Variants in DIAPH2 observed in about 807,000 individuals in gnomAD.
DIAPH2 encodes protein diaphanous homolog 2.
A neutral mutation model predicts 92.7 loss-of-function variants in DIAPH2; 35 were observed. That is an observed-to-expected ratio of 0.38 (90% CI 0.29 to 0.50). The LOEUF (loss-of-function observed/expected upper bound fraction) is 0.50. Among genes scored for constraint, DIAPH2 ranks in the 20% least tolerant of loss-of-function variants. The pLI is 0.94. For missense variants in DIAPH2, 701 were observed against 819.5 expected (o/e 0.86, Z 1.77); for synonymous variants, 301 against 280.4 (o/e 1.07, Z -0.73).
intron 1 of DIAPH2, among the ~76,000 whole-genome samples, chrX:96,722,669 T>C (rs1184928884): frequency 8.9e-6 from 1 of 111,948 alleles, no homozygotes; most frequent in Non-Finnish European, 1.9e-5. Context: ...TTATGTAATA[T>C]ATACAAAACT....
At chrX:97,587,922 CAT>C (rs2071489549) in intron 26 of DIAPH2, among the ~76,000 whole-genome samples, 1 of 112,019 alleles carries the variant, frequency 8.9e-6, no homozygotes, top group South Asian at 3.8e-4. Context: ...ATGAGAAAAA[CAT>C]AGCTCTTAAG....
chrX:96,777,886 TTTA>T (rs1376374961), intron 4 of DIAPH2, among the ~76,000 whole-genome samples: 4 of 110,770 alleles, frequency 3.6e-5, no homozygotes, highest in Non-Finnish European at 3.8e-5. Context: ...TTTTTTAAAT[TTTA>T]TTATTATTAT....
At chrX:97,412,757 C>T (rs1471471356) in intron 25 of DIAPH2, among the ~76,000 whole-genome samples, 1 of 112,054 alleles carries the variant, frequency 8.9e-6, no homozygotes, top group Non-Finnish European at 1.9e-5. Context: ...AAACTACCAT[C>T]AGAGAATACT....
intron 24 of DIAPH2, among the ~76,000 whole-genome samples, chrX:97,359,466 G>T (rs764122497): frequency 2.8e-5 from 3 of 105,738 alleles, no homozygotes; most frequent in Non-Finnish European, 5.8e-5. Context: ...GTGCGTGTGT[G>T]TATTTTTTTC....
intron 22 of DIAPH2, among the ~76,000 whole-genome samples, chrX:97,197,435 T>C (rs1409461364): frequency 1.8e-5 from 2 of 112,078 alleles, no homozygotes; most frequent in African/African-American, 6.5e-5. Flanking sequence ...TTAAGAATAG[T>C]GCAAATTCGA....
intron 20 of DIAPH2, among the ~76,000 whole-genome samples, chrX:97,109,579 A>G (rs1361282586): frequency 9.0e-6 from 1 of 111,168 alleles, no homozygotes; most frequent in Non-Finnish European, 1.9e-5. Context: ...CCTAAATCCT[A>G]TTCTTTAAGA....
intron 26 of DIAPH2, among the ~76,000 whole-genome samples, chrX:97,500,541 C>A (rs1420093476): frequency 9.1e-6 from 1 of 109,566 alleles, no homozygotes; most frequent in Non-Finnish European, 1.9e-5. Context: ...TTATTGTACA[C>A]CTGTAGGGCC....
chrX:97,476,858 C>T (rs1284912002), intron 26 of DIAPH2, among the ~76,000 whole-genome samples: 3 of 96,091 alleles, frequency 3.1e-5, no homozygotes, highest in Non-Finnish European at 4.1e-5. Flanking sequence ...GCAGGAGAAT[C>T]GCTTGAAGCC....
intron 21 of DIAPH2, among the ~76,000 whole-genome samples, chrX:97,140,564 G>A (rs989610824): frequency 1.8e-5 from 2 of 111,901 alleles, no homozygotes; most frequent in South Asian, 3.7e-4. Context: ...GTGGCTGTTT[G>A]GTTGTTTGGA....
At chrX:97,259,333 AAAG>A in intron 23 of DIAPH2, among the ~76,000 whole-genome samples, 2 of 111,704 alleles carry the variant, frequency 1.8e-5, no homozygotes, top group Middle Eastern at 4.6e-3. Flanking sequence ...TCTCAAAAAA[AAAG>A]ATCAAAAATG....
chrX:96,967,533 C>T (rs1384834618), intron 17 of DIAPH2, among the ~76,000 whole-genome samples: 1 of 109,802 alleles, frequency 9.1e-6, no homozygotes, highest in Non-Finnish European at 1.9e-5. Context: ...AATTCTCCTA[C>T]CTCAGCTTCC....
chrX:96,928,343 G>A (rs1010248265), intron 9 of DIAPH2, among the ~76,000 whole-genome samples: 2 of 110,927 alleles, frequency 1.8e-5, no homozygotes, highest in Admixed American at 1.9e-4. Flanking sequence ...TTGGGATTTC[G>A]TATTTAGCTA....
intron 21 of DIAPH2, among the ~76,000 whole-genome samples, chrX:97,130,159 G>T (rs1384327610): frequency 8.9e-6 from 1 of 112,140 alleles, no homozygotes; most frequent in Non-Finnish European, 1.9e-5. Context: ...ATTGCTGGTG[G>T]GAATGTAAAA....
intron 22 of DIAPH2, among the ~76,000 whole-genome samples, chrX:97,203,427 A>G (rs1216401016): frequency 9.0e-6 from 1 of 111,585 alleles, no homozygotes; most frequent in Non-Finnish European, 1.9e-5. Context: ...ACTGCTAGCC[A>G]GACTAATAAA....
intron 4 of DIAPH2, among the ~76,000 whole-genome samples, chrX:96,804,676 A>C (rs1464483534): frequency 8.9e-6 from 1 of 112,051 alleles, no homozygotes; most frequent in Non-Finnish European, 1.9e-5. Flanking sequence ...GTGCAAAAGT[A>C]GAGCTAGATC....
At chrX:96,857,135 C>T (rs978841138) in intron 4 of DIAPH2, among the ~76,000 whole-genome samples, 5 of 111,404 alleles carry the variant, frequency 4.5e-5, no homozygotes, top group African/African-American at 9.8e-5. Flanking sequence ...AAGCTGAAAA[C>T]GTAAAATATC....
intron 21 of DIAPH2, among the ~76,000 whole-genome samples, chrX:97,137,260 CGCAGTTATACATATATATATATATATAT>C (rs2067176769): frequency 1.7e-5 from 1 of 59,189 alleles, no homozygotes; most frequent in African/African-American, 7.9e-5. Context: ...CATATATAAA[CGCAGTTATACATATATATATATATATAT>C]ATATATATAT....
intron 4 of DIAPH2, among the ~76,000 whole-genome samples, chrX:96,780,400 G>A (rs1602501097): frequency 8.9e-6 from 1 of 112,232 alleles, no homozygotes; most frequent in African/African-American, 3.2e-5. Flanking sequence ...TAAAATGTGT[G>A]TGTGTGTGCG....
At chrX:97,405,258 C>T (rs752724431) in intron 25 of DIAPH2, among the ~76,000 whole-genome samples, 9 of 112,473 alleles carry the variant, frequency 8.0e-5, no homozygotes, top group Non-Finnish European at 1.5e-4. Flanking sequence ...CCAGTGAAAT[C>T]ATACCTCAAA....
Sources: allele counts gnomAD v4.1 joint callset (sites outside exome capture counted in the v4.1 genomes callset), GRCh38; gene constraint gnomAD v4.1.1; transcripts MANE v1.5; gene names NCBI Gene and HGNC (gene_info 2026-07-23, HGNC 2026-07-21).